Variants in UNC93A observed in about 807,000 individuals in gnomAD.
UNC93A encodes the protein N-acetylglucosamine transporter UNC93A.
A neutral mutation model predicts 47.5 loss-of-function variants in UNC93A; 43 were observed. The ratio of observed to expected loss-of-function variants is 0.91; its 90% CI spans 0.71 to 1.17. The LOEUF (loss-of-function observed/expected upper bound fraction) is 1.17. Ranked by LOEUF, UNC93A falls within the 50% of genes most tolerant of loss-of-function variation. UNC93A has a pLI of 0.00. For synonymous variants in UNC93A, 280 were observed against 258.0 expected (o/e 1.09, Z -0.82); for missense variants, 605 against 577.6 (o/e 1.05, Z -0.49).
intron 1 of UNC93A, among the ~76,000 whole-genome samples, chr6:167,277,735 CTT>C (rs1011798329): frequency 3.9e-5 from 6 of 151,992 alleles, no homozygotes; most frequent in African/African-American, 1.2e-4. Context: ...CTCTATAACT[CTT>C]TCTGTCTCTC....
At chr6:167,279,738 CAG>C (rs908279576) in intron 1 of UNC93A, among the ~76,000 whole-genome samples, 2 of 152,120 alleles carry the variant, frequency 1.3e-5, no homozygotes, top group Admixed American at 6.5e-5. Context: ...TTGCATCAAA[CAG>C]AGCACAGCAA....
At chr6:167,282,090 G>A (rs533531192) in intron 1 of UNC93A, among the ~76,000 whole-genome samples, 48 of 152,284 alleles carry the variant, frequency 3.2e-4, no homozygotes, top group African/African-American at 1.1e-3. Flanking sequence ...AGGGAGAGCC[G>A]CTATGCTAGA....
intron 7 of UNC93A, among the ~76,000 whole-genome samples, chr6:167,309,108 C>T (rs964143600): frequency 6.6e-6 from 1 of 152,138 alleles, no homozygotes; most frequent in Non-Finnish European, 1.5e-5. Flanking sequence ...CACCTGTAAT[C>T]CCAGCTACTC....
At position 167,294,805 on chromosome 6, in the gene UNC93A, G is replaced by A. The variant is rs185961535; in HGVS notation, c.269+107G>A. 285 of 1,309,980 alleles carry A rather than the reference G, an allele frequency of 2.2e-4. 1 individual carries two copies. In the African/African-American group the frequency reaches 4.0e-3, roughly 18 times the overall value. The allele number at this position is 1,309,980 out of a possible 1,614,324, so 81.1% of individuals were successfully genotyped here. A position where few individuals can be genotyped will look rare whatever the true frequency, so the allele number is the denominator to read the frequency against. The stretch of plus-strand genomic sequence containing the variant: ...TGCACCTGATTACTGTTCACTGCAG[G>A]CATTTTAAAATGAGCTCTCCTGCCC... On this transcript the variant is annotated intron_variant, in intron 2 of 7. Transcript: ENST00000230256.
At chr6:167,270,877 C>T (rs899211885), upstream of UNC93A, among the ~76,000 whole-genome samples, 13 of 152,214 alleles carry the variant, frequency 8.5e-5, no homozygotes, top group African/African-American at 3.1e-4. Context: ...TGCAGACTCC[C>T]GGCCTCCAGG....
At chr6:167,312,097 C>T (rs765920760) in intron 7 of UNC93A, among the ~76,000 whole-genome samples, 16 of 152,040 alleles carry the variant, frequency 1.1e-4, no homozygotes, top group Non-Finnish European at 1.6e-4. Flanking sequence ...ATGACCTGGA[C>T]CCTTTTGAAG....
chr6:167,306,001 G>A lies in UNC93A; in HGVS notation c.927G>A (p.Leu309=), dbSNP rs1398206193. The A allele has an allele frequency of 1.2e-6, 2 of 1,614,186 alleles. No homozygotes were observed. Among genetic ancestry groups the A allele is most frequent in the Non-Finnish European group, 1.7e-6 (2 of 1,180,044 alleles). The stretch of plus-strand genomic sequence containing the variant: ...CCACTGACGCGCTGTGCTCCGTGTT[G>A]TATGGAAAGGTCTCGCAGTACACGG... ...FSATDALCSV[L]YGKVSQYTGR... The change falls in exon 6 of 8, where the codon TTG becomes TTA. Residue 309 remains leucine (L), a synonymous_variant. Transcript: ENST00000230256.
chr6:167,282,648 GT>G (rs1450041915), intron 1 of UNC93A, among the ~76,000 whole-genome samples: 3 of 152,158 alleles, frequency 2.0e-5, no homozygotes, highest in Non-Finnish European at 4.4e-5. Flanking sequence ...GATTCTATAT[GT>G]TGATGAAAAA....
At chr6:167,285,928 T>C (rs1408313916) in intron 1 of UNC93A, among the ~76,000 whole-genome samples, 1 of 142,870 alleles carries the variant, frequency 7.0e-6, no homozygotes, top group Non-Finnish European at 1.5e-5. Flanking sequence ...CAGTGAAGAG[T>C]TAGTTTTCTT....
intron 6 of UNC93A, among the ~76,000 whole-genome samples, chr6:167,306,304 T>G (rs1778391232): frequency 6.6e-6 from 1 of 152,070 alleles, no homozygotes; most frequent in Non-Finnish European, 1.5e-5. Flanking sequence ...CTGCTCCGAG[T>G]GGGCACTCGG....
At chr6:167,311,233 C>G (rs572867681) in intron 7 of UNC93A, among the ~76,000 whole-genome samples, 1 of 152,214 alleles carries the variant, frequency 6.6e-6, no homozygotes, top group Admixed American at 6.5e-5. Context: ...ACCCAATGCA[C>G]TTTGTCCTCA....
intron 3 of UNC93A, among the ~76,000 whole-genome samples, chr6:167,297,317 TAGA>T (rs1220538451): frequency 6.6e-6 from 1 of 151,882 alleles, no homozygotes; most frequent in Non-Finnish European, 1.5e-5. Flanking sequence ...CTCACCCACC[TAGA>T]AGATTTTGTG....
intron 5 of UNC93A, 28 bp from the exon 6 acceptor site, chr6:167,305,887 T>A (rs770374816): frequency 1.2e-6 from 2 of 1,613,796 alleles, no homozygotes; most frequent in Non-Finnish European, 1.7e-6. Context: ...GGAGCGTCCA[T>A]GACGTGGCTC....
intron 1 of UNC93A, among the ~76,000 whole-genome samples, chr6:167,293,099 C>T (rs374201336): frequency 2.0e-5 from 3 of 152,276 alleles, no homozygotes; most frequent in Admixed American, 6.5e-5. Flanking sequence ...TGGGCAAATG[C>T]GGGCAGACAA....
At chr6:167,297,259 G>A (rs1451406875) in intron 3 of UNC93A, among the ~76,000 whole-genome samples, 1 of 152,188 alleles carries the variant, frequency 6.6e-6, no homozygotes, top group Non-Finnish European at 1.5e-5. Flanking sequence ...TTTGGAGGGC[G>A]TCGTGTGCTT....
At chr6:167,273,293 C>T (rs1013612374) in intron 1 of UNC93A, among the ~76,000 whole-genome samples, 1 of 132,210 alleles carries the variant, frequency 7.6e-6, no homozygotes, top group African/African-American at 2.8e-5. Flanking sequence ...ACTCAGGCCC[C>T]CAACTCCTAA....
intron 1 of UNC93A, among the ~76,000 whole-genome samples, chr6:167,282,072 A>G (rs1783643343): frequency 6.6e-6 from 1 of 152,196 alleles, no homozygotes; most frequent in Non-Finnish European, 1.5e-5. Flanking sequence ...ACTAATTTTT[A>G]TTGTACCAGG....
At chr6:167,287,684 G>GGT (rs56769110), upstream of UNC93A, among the ~76,000 whole-genome samples, 60,280 of 150,586 alleles carry the variant, frequency 0.4, 12,256 homozygotes, top group African/African-American at 0.47. Flanking sequence ...AAATAAAAAG[G>GGT]GTGTGTGTGT....
intron 6 of UNC93A, among the ~76,000 whole-genome samples, chr6:167,307,257 C>G (rs957728392): frequency 6.6e-6 from 1 of 152,206 alleles, no homozygotes; most frequent in African/African-American, 2.4e-5. Flanking sequence ...GGCTGCGGGT[C>G]ACGCAGCAGG....
Sources: allele counts gnomAD v4.1 joint callset (sites outside exome capture counted in the v4.1 genomes callset), GRCh38; gene constraint gnomAD v4.1.1; transcripts MANE v1.5; gene names NCBI Gene and HGNC (gene_info 2026-07-23, HGNC 2026-07-21).